The following C21orf91 variants were observed in gnomAD, a reference collection of about 807,000 sequenced individuals.
C21orf91 encodes the protein protein EURL homolog.
Under a neutral mutation model 32.9 loss-of-function variants are expected in C21orf91, and 26 were observed. That is an observed-to-expected ratio of 0.79 (90% CI 0.58 to 1.10). The LOEUF (loss-of-function observed/expected upper bound fraction) is 1.10. Among genes scored for constraint, C21orf91 ranks in the 50% least tolerant of loss-of-function variants. C21orf91 has a pLI of 0.00. For synonymous variants in C21orf91, 126 were observed against 120.4 expected (o/e 1.05, Z -0.31); for missense variants, 310 against 341.3 (o/e 0.91, Z 0.72).
chr21:17,816,507 A>G (rs1353082302), intron 2 of C21orf91, among the ~76,000 whole-genome samples: 1 of 152,252 alleles, frequency 6.6e-6, no homozygotes, highest in Non-Finnish European at 1.5e-5. Flanking sequence ...GCTATAAAAT[A>G]ACTATTGACA....
rs1307695240 is a variant in C21orf91, at chr21:17,795,232, C to T, written c.703G>A (p.Ala235Thr). The T allele has an allele frequency of 1.2e-6, 2 of 1,611,422 alleles. No individual in the cohort carries two copies. Among genetic ancestry groups the T allele is most frequent in the East Asian group, 4.5e-5 (2 of 44,864 alleles). ...CCCTGGATTTGCTGTAGGAGCTTTG[C>T]ATTCAGTTGCTCTACCTCACCAAGA... ...MTLGEVEQLN[A>T]KLLQQIQEVF... The change falls in exon 4 of 5, where the codon GCA becomes ACA. Residue 235 changes from alanine to threonine, a missense_variant. By Grantham distance (58) the Ala-to-Thr change is moderately conservative. Coordinates refer to ENST00000284881, the MANE Select transcript of C21orf91 (RefSeq NM_001100420.2).
chr21:17,797,044 T>C lies in C21orf91; in HGVS notation c.202A>G (p.Ile68Val). 6.2e-7 allele frequency: 1 copy of C among 1,612,126 alleles called. No homozygotes were observed. Among genetic ancestry groups the C allele is most frequent in the Non-Finnish European group, 8.5e-7 (1 of 1,178,374 alleles). ...HKDCFEKYHL[I>V]ANQGCPRSKL... ...GATCGAGGACAACCCTGGTTTGCAA[T>C]TAAATGGTATTTTTCAAAGCAGTCT... The change falls in exon 3 of 5, where the codon ATT (isoleucine) becomes GTT (valine). Residue 68 changes from isoleucine to valine, a missense_variant. Coordinates refer to ENST00000284881, the MANE Select transcript of C21orf91 (RefSeq NM_001100420.2).
chr21:17,817,273 G>A (rs114210349), intron 2 of C21orf91, among the ~76,000 whole-genome samples: 1,575 of 152,088 alleles, frequency 0.01, 23 homozygotes, highest in African/African-American at 0.036. Context: ...GAATTTCAAG[G>A]TATATAATCC....
intron 2 of C21orf91, among the ~76,000 whole-genome samples, chr21:17,805,327 AT>A (rs1390831969): frequency 6.6e-6 from 1 of 152,070 alleles, no homozygotes; most frequent in Non-Finnish European, 1.5e-5. Flanking sequence ...TGATTGATTG[AT>A]TTTAGATGGA....
rs924919170 is a variant in C21orf91, at chr21:17,790,553, T to C, written c.*2862A>G. ...TAAATGTATATAAAAATGGGCACTTTGTGGTAAAATGAACATGTGTTTTGA... is the reference window on the plus strand; with the variant it reads ...TAAATGTATATAAAAATGGGCACTTCGTGGTAAAATGAACATGTGTTTTGA... On this transcript the variant is annotated 3_prime_UTR_variant, in exon 5 of 5. Coordinates refer to ENST00000284881, the MANE Select transcript of C21orf91 (RefSeq NM_001100420.2). 1 of 152,214 alleles carries C rather than the reference T, an allele frequency of 6.6e-6. No individual in the cohort carries two copies. Among genetic ancestry groups the C allele is most frequent in the Non-Finnish European group, 1.5e-5 (1 of 67,926 alleles). 9.4% of individuals were successfully genotyped at this position (152,214 alleles called of 1,614,324 possible). A position where few individuals can be genotyped will look rare whatever the true frequency, so the allele number is the denominator to read the frequency against.
chr21:17,817,407 T>C (rs2062670918), intron 2 of C21orf91, among the ~76,000 whole-genome samples: 1 of 152,124 alleles, frequency 6.6e-6, no homozygotes, highest in Admixed American at 6.6e-5. Context: ...TTTGAAACTG[T>C]CCAAAATCTA....
At chr21:17,806,248 A>G (rs2062592993) in intron 2 of C21orf91, among the ~76,000 whole-genome samples, 1 of 152,226 alleles carries the variant, frequency 6.6e-6, no homozygotes, top group Non-Finnish European at 1.5e-5. Context: ...CTTACTGCCT[A>G]GATAGCTAGG....
intron 2 of C21orf91, among the ~76,000 whole-genome samples, chr21:17,800,459 TTTG>T (rs923613193): frequency 9.2e-5 from 14 of 152,346 alleles, no homozygotes; most frequent in Admixed American, 7.2e-4. Context: ...CTTGAAGTGA[TTTG>T]TTGTTTCTAC....
chr21:17,819,097 T>C (rs867966561), intron 1 of C21orf91: 101 of 152,242 alleles, frequency 6.6e-4, no homozygotes, highest in African/African-American at 2.3e-3. Context: ...GGGAGCCGGG[T>C]CCTGGCCCGG....
intron 2 of C21orf91, among the ~76,000 whole-genome samples, chr21:17,803,717 T>C (rs1056428001): frequency 2.6e-5 from 4 of 152,150 alleles, no homozygotes; most frequent in Middle Eastern, 3.4e-3. Context: ...ACTGTAAAAA[T>C]GGGAGGGTAG....
chr21:17,807,296 T>TC (rs1198382771), intron 2 of C21orf91, among the ~76,000 whole-genome samples: 1 of 152,088 alleles, frequency 6.6e-6, no homozygotes, highest in Admixed American at 6.5e-5. Flanking sequence ...GTGTAACACC[T>TC]CCCCCTTCTC....
intron 2 of C21orf91, among the ~76,000 whole-genome samples, chr21:17,803,038 A>G (rs2062572490): frequency 6.6e-6 from 1 of 152,156 alleles, no homozygotes; most frequent in African/African-American, 2.4e-5. Context: ...TTTACCTCAA[A>G]CTTAGAGCAG....
chr21:17,796,909 A>G lies in C21orf91; in HGVS notation c.337T>C (p.Ser113Pro), dbSNP rs373695866. Residue 113 changes from serine (S) to proline (P), a missense_variant, in exon 3 of 5, where the codon TCT (serine) becomes CCT (proline). Transcript: ENST00000284881. ...NKDLDSDSEC[S>P]KNPQHHLFNF... ...AACAGATGATGCTGGGGGTTTTTAG[A>G]ACATTCAGAATCTGAATCCAGATCC... is the stretch of plus-strand genomic sequence containing the variant. 3 of 1,613,490 alleles carry G rather than the reference A, an allele frequency of 1.9e-6. No homozygotes were observed. Among genetic ancestry groups the G allele is most frequent in the Non-Finnish European group, 2.5e-6 (3 of 1,179,544 alleles).
chr21:17,801,561 T>C (rs958435084), intron 2 of C21orf91, among the ~76,000 whole-genome samples: 23 of 152,114 alleles, frequency 1.5e-4, no homozygotes, highest in Admixed American at 2.6e-4. Flanking sequence ...TGAGCCACCG[T>C]GCCCGGCCCG....
Position 17,793,505 on chromosome 21 carries a change from G to A in C21orf91, c.804C>T (p.Ala268=), listed in dbSNP as rs1160232844. The A allele has an allele frequency of 6.2e-7, 1 of 1,613,656 alleles. No homozygotes were observed. The highest frequency in any genetic ancestry group is 1.7e-5 in the Admixed American group (1 of 59,966). The change falls in exon 5 of 5, where the codon GCC becomes GCT. Residue 268 remains alanine, a synonymous_variant. Transcript: ENST00000284881. ...LASQLHVRHV[A]IEQLLKNCSK... ...AACAGTTCTTCAGAAGCTGTTCGATGGCAACGTGGCGGACATGGAGCTGTG... is the reference window on the plus strand; with the variant it reads ...AACAGTTCTTCAGAAGCTGTTCGATAGCAACGTGGCGGACATGGAGCTGTG...
intron 2 of C21orf91, among the ~76,000 whole-genome samples, chr21:17,797,420 T>C (rs2062528281): frequency 6.6e-6 from 1 of 152,018 alleles, no homozygotes; most frequent in African/African-American, 2.4e-5. Flanking sequence ...CAATTTACCT[T>C]TACAGATTCT....
intron 4 of C21orf91, 94 bp from the exon 5 acceptor site, chr21:17,793,675 G>T: frequency 1.3e-6 from 1 of 770,862 alleles, no homozygotes; most frequent in Non-Finnish European, 2.1e-6. Flanking sequence ...TATGCATTGG[G>T]CAAAGTGTCA....
chr21:17,802,678 T>G (rs1345615882), intron 2 of C21orf91, among the ~76,000 whole-genome samples: 1 of 152,236 alleles, frequency 6.6e-6, no homozygotes, highest in East Asian at 1.9e-4. Context: ...AAGACTTGAT[T>G]TATAACTTGG....
intron 2 of C21orf91, among the ~76,000 whole-genome samples, chr21:17,807,136 G>A (rs374045094): frequency 2.6e-5 from 4 of 152,044 alleles, no homozygotes; most frequent in South Asian, 2.1e-4. Flanking sequence ...ATATGGTTTC[G>A]ATTTGTGTTC....
Sources: allele counts gnomAD v4.1 joint callset (sites outside exome capture counted in the v4.1 genomes callset), GRCh38; gene constraint gnomAD v4.1.1; transcripts MANE v1.5; gene names NCBI Gene and HGNC (gene_info 2026-07-23, HGNC 2026-07-21).